DOK6: variants seen among roughly 807,000 people sequenced by gnomAD.
The protein encoded by DOK6 is downstream of tyrosine kinase 6.
DOK6 carries 22 observed loss-of-function variants against 44.0 expected under a neutral mutation model. The observed-to-expected ratio is 0.50, with a 90% CI of 0.36 to 0.71. DOK6 has a LOEUF of 0.71. DOK6 is among the 30% of genes least tolerant of loss of function. DOK6 has a pLI of 0.00. For missense variants in DOK6, 340 were observed against 416.4 expected (o/e 0.82, Z 1.60); for synonymous variants, 166 against 145.5 (o/e 1.14, Z -1.01).
At position 69,626,366 on chromosome 18, in the gene DOK6, C is replaced by T. The variant is rs188858497; in HGVS notation, c.289+26868C>T. ...CCTCTCGGTCCATTCACATTTGCTC[C>T]TGTTAATGATTACCAGAGAAAAGAA... On this transcript the variant is annotated intron_variant, in intron 3 of 7. Coordinates refer to ENST00000382713, the MANE Select transcript of DOK6 (RefSeq NM_152721.6). Among the ~76,000 whole-genome samples the T allele has an allele frequency of 1.2e-4, 19 of 152,300 alleles. No homozygotes were observed. The East Asian group carries it at 3.7e-3, about 29-fold the overall frequency.
intron 7 of DOK6, among the ~76,000 whole-genome samples, chr18:69,770,696 T>C (rs943730670): frequency 6.6e-6 from 1 of 152,158 alleles, no homozygotes; most frequent in Non-Finnish European, 1.5e-5. Context: ...TTGCCATTAC[T>C]TTTCATTATT....
At chr18:69,707,076 C>G (rs1986651712) in intron 5 of DOK6, among the ~76,000 whole-genome samples, 1 of 152,080 alleles carries the variant, frequency 6.6e-6, no homozygotes, top group Non-Finnish European at 1.5e-5. Flanking sequence ...GAGTGAACTC[C>G]CATTCACAAT....
intron 1 of DOK6, among the ~76,000 whole-genome samples, chr18:69,409,375 T>C (rs1270772454): frequency 1.3e-5 from 2 of 152,208 alleles, no homozygotes; most frequent in African/African-American, 4.8e-5. Context: ...ATTGTAAATA[T>C]GGAATTGCTT....
chr18:69,539,203 A>C (rs1344607177), intron 1 of DOK6, among the ~76,000 whole-genome samples: 1 of 152,184 alleles, frequency 6.6e-6, no homozygotes, highest in Non-Finnish European at 1.5e-5. Flanking sequence ...AATTTAAAAA[A>C]ACAACACCTC....
At chr18:69,634,168 C>T (rs867414424) in intron 3 of DOK6, among the ~76,000 whole-genome samples, 2 of 151,960 alleles carry the variant, frequency 1.3e-5, no homozygotes, top group East Asian at 1.9e-4. Flanking sequence ...AGTTCAGCAC[C>T]GTGTCTAGTA....
At chr18:69,414,320 T>C (rs1370871175) in intron 1 of DOK6, among the ~76,000 whole-genome samples, 1 of 151,972 alleles carries the variant, frequency 6.6e-6, no homozygotes, top group Non-Finnish European at 1.5e-5. Context: ...TAGTAATAAA[T>C]TGAAGATAAA....
chr18:69,443,268 T>G (rs1835938278), intron 1 of DOK6, among the ~76,000 whole-genome samples: 2 of 152,168 alleles, frequency 1.3e-5, no homozygotes, highest in Admixed American at 6.6e-5. Context: ...GATGAAGGCA[T>G]AGCTCCTCTC....
Position 69,841,323 on chromosome 18 carries a change from G to A in DOK6, c.936G>A (p.Gln312=), listed in dbSNP as rs750820207. The A allele has an allele frequency of 6.2e-7, 1 of 1,614,028 alleles. No homozygotes were observed. Residue 312 remains glutamine, a synonymous_variant, in exon 8 of 8, where the codon CAG becomes CAA. Coordinates refer to ENST00000382713, the MANE Select transcript of DOK6 (RefSeq NM_152721.6). ...SYAPEQSEEA[Q]QPLSRSSSYG... ...CCCCAGAACAGAGTGAAGAGGCCCA[G>A]CAGCCGTTGTCGCGGTCCAGCAGCT...
At chr18:69,638,433 G>A (rs527385590) in intron 3 of DOK6, among the ~76,000 whole-genome samples, 1 of 151,322 alleles carries the variant, frequency 6.6e-6, no homozygotes, top group African/African-American at 2.4e-5. Context: ...CACATCAGGT[G>A]ATTTTTATTT....
At chr18:69,710,363 C>G (rs750612566) in intron 5 of DOK6, among the ~76,000 whole-genome samples, 1 of 152,124 alleles carries the variant, frequency 6.6e-6, no homozygotes, top group Non-Finnish European at 1.5e-5. Flanking sequence ...AATAGGTATT[C>G]TCATGCTTCT....
chr18:69,698,019 A>C (rs72965510), intron 4 of DOK6, among the ~76,000 whole-genome samples: 19,971 of 152,228 alleles, frequency 0.13, 1,402 homozygotes, highest in Middle Eastern at 0.19. Flanking sequence ...AGCAAATAAG[A>C]CATCCCTCGC....
intron 2 of DOK6, among the ~76,000 whole-genome samples, chr18:69,576,214 T>A (rs1790134545): frequency 6.6e-6 from 1 of 152,124 alleles, no homozygotes; most frequent in African/African-American, 2.4e-5. Flanking sequence ...AAATATTGGA[T>A]CTCCAGAATT....
At chr18:69,482,175 C>A (rs1980444412) in intron 1 of DOK6, among the ~76,000 whole-genome samples, 1 of 152,066 alleles carries the variant, frequency 6.6e-6, no homozygotes. Context: ...CTGTAGGTTG[C>A]CTGTTCACTC....
In DOK6 at chr18:69,612,399, TTGTGTGCGAGGGCGCA is replaced by T. The variant is rs778243769; in HGVS notation, c.289+12944_289+12959del. Among the ~76,000 whole-genome samples, 498 of 62,476 alleles carry T rather than the reference TTGTGTGCGAGGGCGCA, an allele frequency of 8.0e-3. 15 individuals carry two copies. The highest frequency in any genetic ancestry group is 0.027 in the African/African-American group (461 of 17,010). The allele number at this position is 62,476 out of a possible 152,430, so 41.0% of individuals were successfully genotyped here. On this transcript the variant is annotated intron_variant, in intron 3 of 7. Coordinates refer to ENST00000382713, the MANE Select transcript of DOK6 (RefSeq NM_152721.6). ...GCATGTTTATGAGCACGAAGAGACT[TTGTGTGCGAGGGCGCA>T]TGTGTGCGAGGGCGCATGTGTGCGA...
intron 4 of DOK6, among the ~76,000 whole-genome samples, chr18:69,680,410 C>T (rs552737303): frequency 1.3e-5 from 2 of 152,298 alleles, no homozygotes; most frequent in South Asian, 4.1e-4. Context: ...GTCTGCACCC[C>T]CCTCTTTAAA....
chr18:69,560,666 C>A lies in DOK6; in HGVS notation c.67-3821C>A, dbSNP rs1475706921. Among the ~76,000 whole-genome samples, 6 of 152,260 alleles carry A rather than the reference C, an allele frequency of 3.9e-5. No individual in the cohort carries two copies. In the East Asian group the frequency reaches 1.2e-3, roughly 29 times the overall value. On this transcript the variant is annotated intron_variant, in intron 1 of 7. Coordinates refer to ENST00000382713, the MANE Select transcript of DOK6 (RefSeq NM_152721.6). ...TGGTTATAGATGCACTGAACAAGGT[C>A]TGTTGCCAAGAGCATTTTATCCATT...
chr18:69,451,184 C>T (rs1263024735), intron 1 of DOK6, among the ~76,000 whole-genome samples: 1 of 148,172 alleles, frequency 6.7e-6, no homozygotes, highest in African/African-American at 2.5e-5. Flanking sequence ...TGCAGAGACA[C>T]ACATAGGCTC....
intron 2 of DOK6, among the ~76,000 whole-genome samples, chr18:69,573,895 G>A (rs1599200172): frequency 6.6e-6 from 1 of 151,596 alleles, no homozygotes; most frequent in African/African-American, 2.4e-5. Flanking sequence ...ATTCTTCCTA[G>A]TCATCAAAAT....
chr18:69,447,715 T>C (rs894826783), intron 1 of DOK6, among the ~76,000 whole-genome samples: 13 of 152,230 alleles, frequency 8.5e-5, no homozygotes, highest in Admixed American at 7.9e-4. Flanking sequence ...GAGCCCGTGA[T>C]GAAAGCTGAG....
Sources: allele counts gnomAD v4.1 joint callset (sites outside exome capture counted in the v4.1 genomes callset), GRCh38; gene constraint gnomAD v4.1.1; transcripts MANE v1.5; gene names NCBI Gene and HGNC (gene_info 2026-07-23, HGNC 2026-07-21).